USH2A: variants seen among roughly 807,000 people sequenced by gnomAD.
USH2A encodes usherin, also known as Usher syndrome 2A (autosomal recessive, mild).
In USH2A, 443 loss-of-function variants were observed where a neutral mutation model predicts 538.9. The observed-to-expected ratio is 0.82, with a 90% CI of 0.76 to 0.89. The LOEUF is 0.89. USH2A is among the 40% of genes least tolerant of loss of function. The probability of loss-of-function intolerance (pLI) is 0.00; values close to 1 mark genes in which losing one functional copy is unlikely to be tolerated. For missense variants in USH2A, 6,633 were observed against 6,324.8 expected (o/e 1.05, Z -1.65); for synonymous variants, 2,413 against 2,273.5 (o/e 1.06, Z -1.75).
chr1:215,779,996 G>A lies in USH2A; in HGVS notation c.10786C>T (p.Pro3596Ser). 2 of 1,614,118 alleles carry A rather than the reference G, an allele frequency of 1.2e-6. No homozygotes were observed. Among genetic ancestry groups the A allele is most frequent in the Middle Eastern group, 1.7e-4 (1 of 6,058 alleles). Residue 3596 changes from proline to serine, a missense_variant, in exon 55 of 72, where the codon CCA (proline) becomes TCA (serine). Pro to Ser is a moderately conservative substitution (Grantham distance 74). Coordinates refer to ENST00000307340, the MANE Select transcript of USH2A (RefSeq NM_206933.4). ...ACTGCACTTAGGGCTGTGATGCTTG[G>A]TGGCAGGATGCTCTCCGGAACTCCT... The part of the protein sequence containing the change: ...TQGVPESILP[P>S]SITALSAVAL...
At chr1:216,289,623 A>G (rs1165750883) in intron 10 of USH2A, among the ~76,000 whole-genome samples, 1 of 152,150 alleles carries the variant, frequency 6.6e-6, no homozygotes, top group African/African-American at 2.4e-5. Flanking sequence ...TTAAACTCCC[A>G]TCTGTTATAT....
chr1:216,079,574 GT>G (rs2031864068), intron 26 of USH2A, among the ~76,000 whole-genome samples: 1 of 152,204 alleles, frequency 6.6e-6, no homozygotes, highest in East Asian at 1.9e-4. Context: ...GTGAGGTAGT[GT>G]CTTGCCAGCT....
intron 11 of USH2A, among the ~76,000 whole-genome samples, chr1:216,264,983 C>T (rs530732571): frequency 3.3e-5 from 5 of 152,138 alleles, no homozygotes; most frequent in South Asian, 2.1e-4. Context: ...ACCTAGGAGA[C>T]GTGCTTCAGG....
chr1:216,346,763 C>T (rs1054066630), intron 4 of USH2A, among the ~76,000 whole-genome samples: 18 of 151,494 alleles, frequency 1.2e-4, no homozygotes, highest in South Asian at 2.1e-4. Context: ...AGAAATTTCA[C>T]GCATTCTTGG....
chr1:216,121,483 G>A (rs1462978288), intron 21 of USH2A, among the ~76,000 whole-genome samples: 1 of 151,678 alleles, frequency 6.6e-6, no homozygotes, highest in Non-Finnish European at 1.5e-5. Flanking sequence ...CTCACCACTG[G>A]TAAAACAAAC....
intron 60 of USH2A, among the ~76,000 whole-genome samples, chr1:215,731,601 G>T (rs1403324876): frequency 6.6e-6 from 1 of 152,148 alleles, no homozygotes; most frequent in Non-Finnish European, 1.5e-5. Context: ...CTAACACTAA[G>T]AGGAAAACAA....
At chr1:216,261,449 CAA>C (rs200708104) in intron 11 of USH2A, among the ~76,000 whole-genome samples, 1,513 of 81,358 alleles carry the variant, frequency 0.019, 21 homozygotes, top group African/African-American at 0.058. Flanking sequence ...ATTCTATATC[CAA>C]AAAAAAAAAA....
chr1:216,176,712 C>T (rs2034393642), intron 20 of USH2A, among the ~76,000 whole-genome samples: 1 of 152,122 alleles, frequency 6.6e-6, no homozygotes, highest in Non-Finnish European at 1.5e-5. Context: ...CCTGCCTATT[C>T]ATCTCTCCTT....
At chr1:215,709,181 A>T (rs867625960) in intron 61 of USH2A, among the ~76,000 whole-genome samples, 1 of 152,208 alleles carries the variant, frequency 6.6e-6, no homozygotes, top group South Asian at 2.1e-4. Flanking sequence ...ATCATTAATG[A>T]TTAATCTTTC....
intron 61 of USH2A, among the ~76,000 whole-genome samples, chr1:215,687,991 G>A (rs146746650): frequency 3.3e-5 from 5 of 152,210 alleles, no homozygotes; most frequent in African/African-American, 1.2e-4. Flanking sequence ...TCAAGACATA[G>A]AGAGAGAATT....
At chr1:216,305,029 A>G (rs1013850603) in intron 9 of USH2A, among the ~76,000 whole-genome samples, 1 of 151,894 alleles carries the variant, frequency 6.6e-6, no homozygotes, top group Admixed American at 6.6e-5. Context: ...TCTGTTAAGT[A>G]CATTTGTTCT....
rs1661304022 is a variant in USH2A at position 215,771,961 on chromosome 1, C to A, written c.10940-5173G>T. Among the ~76,000 whole-genome samples the A allele has an allele frequency of 2.6e-5, 4 of 152,218 alleles. No individual in the cohort carries two copies. In the South Asian group the frequency reaches 8.3e-4, roughly 32 times the overall value. On this transcript the variant is annotated intron_variant, in intron 55 of 71. Transcript: ENST00000307340. ...TTATATTTTTCATATTGTTAGAGGACTGGATTACTAATAGGCTTGGTTCAG... is the reference window on the plus strand; with the variant it reads ...TTATATTTTTCATATTGTTAGAGGAATGGATTACTAATAGGCTTGGTTCAG...
intron 41 of USH2A, among the ~76,000 whole-genome samples, chr1:215,883,736 T>C (rs1415492866): frequency 2.6e-5 from 4 of 152,286 alleles, no homozygotes; most frequent in Admixed American, 6.5e-5. Flanking sequence ...AACTCTCTAG[T>C]TGGTTCCAAT....
chr1:216,360,498 A>C (rs544446135), intron 4 of USH2A, among the ~76,000 whole-genome samples: 1 of 152,192 alleles, frequency 6.6e-6, no homozygotes, highest in East Asian at 1.9e-4. Flanking sequence ...GTTGTACAAC[A>C]CCAAGAGTGA....
chr1:216,028,698 TC>T (rs1474475683), intron 32 of USH2A, among the ~76,000 whole-genome samples: 2 of 152,084 alleles, frequency 1.3e-5, no homozygotes, highest in African/African-American at 4.8e-5. Flanking sequence ...ATGGTTAGCA[TC>T]CTTCATATAT....
rs139650908 is a variant in USH2A, at chr1:216,362,936, T to C, written c.784+2017A>G. 9.9e-3 allele frequency among the ~76,000 whole-genome samples: 1,477 copies of C among 148,708 alleles called. 18 individuals are homozygous for C. Among genetic ancestry groups the C allele is most frequent in the African/African-American group, 0.036 (1,431 of 39,928 alleles). On this transcript the variant is annotated intron_variant, in intron 4 of 71. Coordinates refer to ENST00000307340, the MANE Select transcript of USH2A (RefSeq NM_206933.4). ...CCTGGGCGACAAGAGCGAAACTCCC[T>C]GTCAAAAAAAAATAATAATAAAATA... is the stretch of plus-strand genomic sequence containing the variant.
chr1:216,411,448 G>A (rs913863132), intron 3 of USH2A, among the ~76,000 whole-genome samples: 6 of 152,060 alleles, frequency 3.9e-5, no homozygotes, highest in African/African-American at 9.7e-5. Flanking sequence ...GAGTCCTACC[G>A]AATTAGGAAG....
rs757472445 is a variant in USH2A, at chr1:215,879,112, T to G, written c.8224-14A>C. ...TTTCCAAGTGACCTGAAATGAAAGA[T>G]AAACTTAGAATCAGTGTGACGATAC... On this transcript the variant is annotated splice_polypyrimidine_tract_variant and intron_variant, in intron 41 of 71. Transcript: ENST00000307340. The G allele has an allele frequency of 1.2e-6, 2 of 1,605,846 alleles. No individual in the cohort carries two copies. Among genetic ancestry groups the G allele is most frequent in the Non-Finnish European group, 8.5e-7 (1 of 1,172,860 alleles).
chr1:216,317,683 C>CA lies in USH2A; in HGVS notation c.1644+4199dup, dbSNP rs879555489. ...GCCAACAAGGTGAAACCCATCTCTA[C>CA]AAAAAAAAAAATACAAAAAGTTAGC... On this transcript the variant is annotated intron_variant, in intron 9 of 71. Transcript: ENST00000307340. 2.5e-3 allele frequency among the ~76,000 whole-genome samples: 353 copies of CA among 142,116 alleles called. 1 individual carries two copies. The highest frequency in any genetic ancestry group is 3.4e-3 in the Admixed American group (48 of 14,140). 93.2% of individuals were successfully genotyped at this position (142,116 alleles called of 152,430 possible). A position where few individuals can be genotyped will look rare whatever the true frequency, so the allele number is the denominator to read the frequency against.
Sources: gnomAD v4.1 joint callset for allele counts (sites outside exome capture counted in the v4.1 genomes callset) on GRCh38, gnomAD v4.1.1 for gene constraint, MANE v1.5 for transcripts, NCBI Gene and HGNC (gene_info 2026-07-23, HGNC 2026-07-21) for gene names.